The following FLNB variants were observed in gnomAD, a reference collection of about 807,000 sequenced individuals.
FLNB encodes filamin B.
A neutral mutation model predicts 250.6 loss-of-function variants in FLNB; 111 were observed. That is an observed-to-expected ratio of 0.44 (90% CI 0.38 to 0.52). The LOEUF (loss-of-function observed/expected upper bound fraction) is 0.52. FLNB is among the 20% of genes least tolerant of loss of function. FLNB has a pLI of 0.00. For missense variants in FLNB, 2,869 were observed against 3,447.8 expected, an observed-to-expected ratio of 0.83 and a Z score of 4.20; for synonymous variants, 1,302 against 1,372.1, an observed-to-expected ratio of 0.95 and a Z score of 1.13.
At chr3:58,014,219 G>T (rs565873747) in intron 1 of FLNB, among the ~76,000 whole-genome samples, 1 of 152,338 alleles carries the variant, frequency 6.6e-6, no homozygotes, top group African/African-American at 2.4e-5. Context: ...GCTCTGGGGA[G>T]AACAGCTTGG....
chr3:58,059,622 C>G (rs551577904), intron 1 of FLNB, among the ~76,000 whole-genome samples: 1 of 152,276 alleles, frequency 6.6e-6, no homozygotes, highest in South Asian at 2.1e-4. Context: ...TCGTGTGTTT[C>G]TTGCCTGGCC....
rs778176747 is a variant in FLNB, at chr3:58,126,788, CAG to C, written c.4222+30_4222+31del. On this transcript the variant is annotated intron_variant, in intron 24 of 45. Transcript: ENST00000295956. ...GTGAGCTATTCCTCAGAGAGGACCC[CAG>C]AGAATAATTGATTTTGCAGGAAAAT... 3.7e-6 allele frequency: 6 copies of C among 1,606,788 alleles called. No homozygotes were observed. In the Admixed American group the frequency reaches 1.0e-4, roughly 27 times the overall value.
chr3:58,015,777 T>C (rs1384404532), intron 1 of FLNB, among the ~76,000 whole-genome samples: 2 of 152,118 alleles, frequency 1.3e-5, no homozygotes, highest in African/African-American at 4.8e-5. Flanking sequence ...GTAGCAAGGA[T>C]CTAGGTGCCA....
At chr3:58,061,804 TG>T (rs894327380) in intron 1 of FLNB, among the ~76,000 whole-genome samples, 2 of 150,660 alleles carry the variant, frequency 1.3e-5, no homozygotes, top group Admixed American at 6.6e-5. Context: ...ATTAAATTTT[TG>T]GGGGGGCTGG....
At chr3:58,152,558 C>T in intron 38 of FLNB, 1 of 236,180 alleles carries the variant, frequency 4.2e-6, no homozygotes, top group Non-Finnish European at 8.9e-6. Flanking sequence ...ATGACCTTAT[C>T]TAATCCTAAT....
chr3:58,110,735 C>T (rs1300829358), intron 16 of FLNB, among the ~76,000 whole-genome samples: 1 of 152,144 alleles, frequency 6.6e-6, no homozygotes, highest in African/African-American at 2.4e-5. Context: ...TGTGAGCCAC[C>T]GTGCCTGGCC....
Position 58,070,657 on chromosome 3 carries a change from TCTC to T in FLNB, c.293-6388_293-6386del, listed in dbSNP as rs777563759. Reference sequence around the variant, plus strand: ...AGCACACACCCCATCTCTCTCTCTCTCTCTTTTTTTTTTTTTTTTTGAAACGGA... The same window carrying T: ...AGCACACACCCCATCTCTCTCTCTCTTTTTTTTTTTTTTTTTTGAAACGGA... On this transcript the variant is annotated intron_variant, in intron 1 of 45. Coordinates refer to ENST00000295956, the MANE Select transcript of FLNB (RefSeq NM_001457.4). Among the ~76,000 whole-genome samples the T allele has an allele frequency of 4.0e-3, 384 of 96,242 alleles. 2 individuals carry two copies. Among genetic ancestry groups the T allele is most frequent in the African/African-American group, 0.02 (337 of 16,630 alleles). The allele number at this position is 96,242 out of a possible 152,430, so 63.1% of individuals were successfully genotyped here.
rs557075580 is a variant in FLNB at position 58,077,000 on chromosome 3, C to T, written c.293-46C>T. 3.7e-6 allele frequency: 6 copies of T among 1,611,620 alleles called. No homozygotes were observed. In the African/African-American group the frequency reaches 6.7e-5, roughly 18 times the overall value. The stretch of plus-strand genomic sequence containing the variant: ...ATTTATATAAGGAGCATAATTTACA[C>T]TTGTGTAACCCAAAGGAATGACCAA... On this transcript the variant is annotated intron_variant, in intron 1 of 45. Coordinates refer to ENST00000295956, the MANE Select transcript of FLNB (RefSeq NM_001457.4).
chr3:58,050,475 A>G (rs2106837641), intron 1 of FLNB, among the ~76,000 whole-genome samples: 1 of 152,300 alleles, frequency 6.6e-6, no homozygotes, highest in South Asian at 2.1e-4. Flanking sequence ...TGGAAAAAAC[A>G]GGGGTTCCAG....
intron 1 of FLNB, among the ~76,000 whole-genome samples, chr3:58,023,146 T>C (rs1185910406): frequency 6.7e-6 from 1 of 148,840 alleles, no homozygotes; most frequent in African/African-American, 2.5e-5. Context: ...ATGTCTCCTT[T>C]TGTTGCCCAA....
chr3:58,011,196 G>A (rs2097098259), intron 1 of FLNB, among the ~76,000 whole-genome samples: 2 of 152,066 alleles, frequency 1.3e-5, no homozygotes, highest in South Asian at 4.2e-4. Context: ...ACAGCCCTGA[G>A]CCACCGCGCC....
intron 18 of FLNB, among the ~76,000 whole-genome samples, chr3:58,113,456 G>A (rs56143512): frequency 0.35 from 53,485 of 151,852 alleles, 11,054 homozygotes; most frequent in East Asian, 0.91. Flanking sequence ...GCAGTCAAGA[G>A]TCAAGTGGGG....
chr3:58,042,124 A>G (rs1454834128), intron 1 of FLNB, among the ~76,000 whole-genome samples: 2 of 152,126 alleles, frequency 1.3e-5, no homozygotes, highest in South Asian at 2.1e-4. Flanking sequence ...GTTTTCTGCA[A>G]CCTAGGTTGA....
rs1337913586 is a variant in FLNB at position 58,146,802 on chromosome 3, C to T, written c.5555-18C>T. On this transcript the variant is annotated intron_variant, in intron 33 of 45. Transcript: ENST00000295956. ...AACTCTCTCCCTAACACCCCTGCAT[C>T]CCTGTTCCCACTTGTAGGTGGTCTG... 2 of 1,613,932 alleles carry T rather than the reference C, an allele frequency of 1.2e-6. No individual in the cohort carries two copies. The highest frequency in any genetic ancestry group is 1.7e-6 in the Non-Finnish European group (2 of 1,179,924).
intron 1 of FLNB, among the ~76,000 whole-genome samples, chr3:58,028,708 G>C (rs2097126798): frequency 6.7e-6 from 1 of 149,690 alleles, no homozygotes. Context: ...CCGCCTCCCT[G>C]GTTCAAGCAA....
At chr3:58,150,071 G>A (rs1160460293) in intron 37 of FLNB, 34 bp from the exon 38 acceptor site, 3 of 1,614,258 alleles carry the variant, frequency 1.9e-6, no homozygotes, top group South Asian at 1.1e-5. Flanking sequence ...CTTGGCCTCT[G>A]GCCTGCTCAC....
chr3:58,048,567 C>T (rs886468372), intron 1 of FLNB, among the ~76,000 whole-genome samples: 5 of 152,210 alleles, frequency 3.3e-5, no homozygotes, highest in South Asian at 2.1e-4. Flanking sequence ...CCTGTTACTT[C>T]GTGGTGCTAA....
At chr3:58,088,135 C>A (rs1026011710) in intron 4 of FLNB, among the ~76,000 whole-genome samples, 1 of 149,046 alleles carries the variant, frequency 6.7e-6, no homozygotes, top group African/African-American at 2.5e-5. Flanking sequence ...CCCGCCTCTG[C>A]CTCCTGGGTT....
At chr3:58,098,332 T>C (rs1356414788) in intron 7 of FLNB, among the ~76,000 whole-genome samples, 1 of 152,144 alleles carries the variant, frequency 6.6e-6, no homozygotes, top group Non-Finnish European at 1.5e-5. Context: ...TTTACTTGTT[T>C]TGTTGTTGTT....
Sources: gnomAD v4.1 joint callset for allele counts (sites outside exome capture counted in the v4.1 genomes callset) on GRCh38, gnomAD v4.1.1 for gene constraint, MANE v1.5 for transcripts, NCBI Gene and HGNC (gene_info 2026-07-23, HGNC 2026-07-21) for gene names.